The following CPQ variants were observed in gnomAD, a reference collection of about 807,000 sequenced individuals.
The protein encoded by CPQ is carboxypeptidase Q.
A neutral mutation model predicts 45.7 loss-of-function variants in CPQ; 37 were observed. The ratio of observed to expected loss-of-function variants is 0.81; its 90% confidence interval spans 0.62 to 1.07. The LOEUF is 1.07. Among genes scored for constraint, CPQ ranks in the 50% least tolerant of loss-of-function variants. CPQ has a pLI of 0.00. For missense variants in CPQ, 537 were observed against 572.9 expected, an observed-to-expected ratio of 0.94 and a Z score of 0.64; for synonymous variants, 186 against 205.8, an observed-to-expected ratio of 0.90 and a Z score of 0.82.
At chr8:97,035,410 A>C (rs1381364092) in intron 6 of CPQ, among the ~76,000 whole-genome samples, 1 of 152,070 alleles carries the variant, frequency 6.6e-6, no homozygotes, top group Non-Finnish European at 1.5e-5. Flanking sequence ...GGGTCATATG[A>C]TAGGTGATGT....
chr8:96,673,164 A>G (rs1002183122), intron 1 of CPQ, among the ~76,000 whole-genome samples: 2 of 152,190 alleles, frequency 1.3e-5, no homozygotes, highest in Admixed American at 6.5e-5. Context: ...AAAGAATTGG[A>G]CAAAACACAC....
intron 4 of CPQ, among the ~76,000 whole-genome samples, chr8:96,894,538 G>C (rs1450007883): frequency 6.6e-6 from 1 of 152,122 alleles, no homozygotes; most frequent in Admixed American, 6.5e-5. Flanking sequence ...AAACTGCACA[G>C]TACAGCACAA....
chr8:97,069,731 T>A (rs1810705056), intron 7 of CPQ, among the ~76,000 whole-genome samples: 4 of 152,122 alleles, frequency 2.6e-5, no homozygotes, highest in Admixed American at 2.0e-4. Flanking sequence ...CCATCCTTTT[T>A]TCTTTCTTTT....
chr8:96,874,764 T>C (rs1292415599), intron 3 of CPQ, among the ~76,000 whole-genome samples: 2 of 151,932 alleles, frequency 1.3e-5, no homozygotes, highest in Non-Finnish European at 2.9e-5. Flanking sequence ...TGTTTCTACC[T>C]TTTGACTATT....
chr8:96,932,675 C>T (rs1478893389), intron 4 of CPQ, among the ~76,000 whole-genome samples: 1 of 152,146 alleles, frequency 6.6e-6, no homozygotes. Context: ...AAAAGATGTG[C>T]TACATTATGT....
chr8:96,951,658 G>C (rs1298632086), intron 4 of CPQ, among the ~76,000 whole-genome samples: 4 of 152,032 alleles, frequency 2.6e-5, no homozygotes, highest in Non-Finnish European at 5.9e-5. Flanking sequence ...ATAAGTTCAT[G>C]CTGTTTTAAC....
At chr8:96,871,531 G>GT (rs529360931) in intron 3 of CPQ, among the ~76,000 whole-genome samples, 4,181 of 106,896 alleles carry the variant, frequency 0.039, 87 homozygotes, top group African/African-American at 0.057. Context: ...TTGCTTCCAG[G>GT]TTTTTTTTTT....
chr8:96,967,876 T>C (rs566657403), intron 5 of CPQ, among the ~76,000 whole-genome samples: 1 of 152,290 alleles, frequency 6.6e-6, no homozygotes, highest in Admixed American at 6.5e-5. Context: ...AATTTTCTCA[T>C]CTGTGAAATG....
intron 2 of CPQ, among the ~76,000 whole-genome samples, chr8:96,801,293 A>G (rs1443195685): frequency 6.6e-6 from 1 of 152,070 alleles, no homozygotes; most frequent in Non-Finnish European, 1.5e-5. Flanking sequence ...GATCTTAAAA[A>G]CAAAAATCCA....
rs181552751 is a variant in CPQ at position 96,854,306 on chromosome 8, C to T, written c.641+19126C>T. Among the ~76,000 whole-genome samples the T allele has an allele frequency of 1.9e-3, 286 of 151,304 alleles. 1 individual carries two copies. The highest frequency in any genetic ancestry group is 3.9e-3 in the African/African-American group (161 of 41,188). On this transcript the variant is annotated intron_variant, in intron 3 of 7. Transcript: ENST00000220763. ...CAGCACTTTGGGAGGCCGAGGCGGG[C>T]GGATCACGAGGTCAGGAGATCGAGA...
intron 6 of CPQ, among the ~76,000 whole-genome samples, chr8:97,054,616 GC>G (rs1375962297): frequency 6.6e-6 from 1 of 151,382 alleles, no homozygotes. Context: ...AATATCTTCT[GC>G]AGCAACTTGG....
At chr8:96,671,520 T>G (rs1461418570) in intron 1 of CPQ, among the ~76,000 whole-genome samples, 1 of 152,130 alleles carries the variant, frequency 6.6e-6, no homozygotes, top group Non-Finnish European at 1.5e-5. Context: ...TGTTGTCAAA[T>G]CCATGTGAAT....
At chr8:96,814,976 T>C (rs898552985) in intron 2 of CPQ, among the ~76,000 whole-genome samples, 8 of 152,092 alleles carry the variant, frequency 5.3e-5, no homozygotes, top group African/African-American at 1.4e-4. Context: ...AGAAAGTACA[T>C]TGGTAGTTGC....
At chr8:96,903,158 T>C (rs1207474659) in intron 4 of CPQ, among the ~76,000 whole-genome samples, 2 of 152,244 alleles carry the variant, frequency 1.3e-5, no homozygotes, top group African/African-American at 2.4e-5. Context: ...ATAGTGATAC[T>C]TCAGTTGGCG....
chr8:96,671,456 C>T (rs1809003870), intron 1 of CPQ, among the ~76,000 whole-genome samples: 2 of 152,184 alleles, frequency 1.3e-5, no homozygotes, highest in South Asian at 4.1e-4. Context: ...CAGCTCTTAA[C>T]TTGCCAAGAA....
intron 1 of CPQ, among the ~76,000 whole-genome samples, chr8:96,712,811 ATGG>A (rs1275588668): frequency 6.6e-6 from 1 of 152,132 alleles, no homozygotes; most frequent in African/African-American, 2.4e-5. Flanking sequence ...CGTTGTCTTG[ATGG>A]TTGACATTTG....
chr8:97,126,750 A>G (rs1336643442), intron 7 of CPQ, among the ~76,000 whole-genome samples: 1 of 152,080 alleles, frequency 6.6e-6, no homozygotes, highest in Non-Finnish European at 1.5e-5. Flanking sequence ...TGAAAAGGAG[A>G]AAAAAAATTT....
intron 2 of CPQ, among the ~76,000 whole-genome samples, chr8:96,792,778 A>G (rs751077801): frequency 1.8e-4 from 27 of 152,176 alleles, no homozygotes; most frequent in Non-Finnish European, 3.7e-4. Context: ...GCCTTCTTCT[A>G]CATTGTATTA....
chr8:96,829,154 C>T (rs998839260), intron 2 of CPQ, among the ~76,000 whole-genome samples: 1 of 152,076 alleles, frequency 6.6e-6, no homozygotes, highest in Non-Finnish European at 1.5e-5. Flanking sequence ...GGTATCAGTA[C>T]AGCAAGTGGC....
Sources: allele counts gnomAD v4.1 joint callset (sites outside exome capture counted in the v4.1 genomes callset), GRCh38; gene constraint gnomAD v4.1.1; transcripts MANE v1.5; gene names NCBI Gene and HGNC (gene_info 2026-07-23, HGNC 2026-07-21).